Variants in ANO10 observed in about 807,000 individuals in gnomAD.
The protein encoded by ANO10 is anoctamin-10.
ANO10 carries 77 observed loss-of-function variants against 74.7 expected under a neutral mutation model. The observed-to-expected ratio is 1.03, with a 90% CI of 0.86 to 1.25. The LOEUF (loss-of-function observed/expected upper bound fraction) is 1.25. ANO10 is among the 50% of genes most tolerant of loss of function. ANO10 has a pLI of 0.00. For missense variants in ANO10, 721 were observed against 778.1 expected (o/e 0.93, Z 0.87); for synonymous variants, 279 against 284.9 (o/e 0.98, Z 0.21).
intron 11 of ANO10, among the ~76,000 whole-genome samples, chr3:43,526,399 C>T (rs1344538718): frequency 2.0e-5 from 3 of 152,126 alleles, no homozygotes; most frequent in African/African-American, 4.8e-5. Flanking sequence ...CTGCCAGCCA[C>T]GGAGAAGCGT....
intron 12 of ANO10, among the ~76,000 whole-genome samples, chr3:43,385,462 T>C (rs2092088342): frequency 6.6e-6 from 1 of 152,190 alleles, no homozygotes; most frequent in Non-Finnish European, 1.5e-5. Context: ...TGTAAATGCA[T>C]GTTTATAGCA....
At chr3:43,473,866 C>T (rs1448199793) in intron 11 of ANO10, among the ~76,000 whole-genome samples, 1 of 151,934 alleles carries the variant, frequency 6.6e-6, no homozygotes, top group Non-Finnish European at 1.5e-5. Context: ...AATTACAACC[C>T]CTGAAGATGG....
rs185326933 is a variant in ANO10 at position 43,409,365 on chromosome 3, C to T, written c.1914+23246G>A. 2.0e-4 allele frequency among the ~76,000 whole-genome samples: 31 copies of T among 152,160 alleles called. No homozygotes were observed. In the East Asian group the frequency reaches 4.1e-3, roughly 20 times the overall value. On this transcript the variant is annotated intron_variant, in intron 12 of 12. Transcript: ENST00000292246. ...GTGTTCAAGATCAGCCTGGGCAACACGGCAAAACCCAGTCTCTAGAAAATA... is the reference window on the plus strand; with the variant it reads ...GTGTTCAAGATCAGCCTGGGCAACATGGCAAAACCCAGTCTCTAGAAAATA...
intron 1 of ANO10, chr3:43,690,758 C>T (rs1169595528): frequency 4.6e-6 from 2 of 431,906 alleles, no homozygotes; most frequent in African/African-American, 4.2e-5. Context: ...CCCGCGCTTA[C>T]ACCCGGGAGC....
At chr3:43,381,220 T>A (rs1012231315) in intron 12 of ANO10, among the ~76,000 whole-genome samples, 7 of 152,178 alleles carry the variant, frequency 4.6e-5, no homozygotes, top group Admixed American at 3.3e-4. Flanking sequence ...CCCATGTCAC[T>A]AATGTTGAAT....
In ANO10 at chr3:43,559,416, T is replaced by C. The variant is rs369903718; in HGVS notation, c.1476+1804A>G. On this transcript the variant is annotated intron_variant, in intron 9 of 12. Coordinates refer to ENST00000292246, the MANE Select transcript of ANO10 (RefSeq NM_018075.5). ...AAGAACAGCTGAAAGCAGATTCTAA[T>C]TGATTATAGAAAGAGAAGTAGGAAA... Among the ~76,000 whole-genome samples, 175 of 152,280 alleles carry C rather than the reference T, an allele frequency of 1.1e-3. 2 individuals carry two copies. The South Asian group carries it at 0.036, about 31-fold the overall frequency.
intron 10 of ANO10, among the ~76,000 whole-genome samples, chr3:43,554,564 T>C (rs1281692923): frequency 6.6e-6 from 1 of 152,166 alleles, no homozygotes; most frequent in East Asian, 1.9e-4. Context: ...ATTTAAACCT[T>C]CTGTTTTAGT....
intron 9 of ANO10, among the ~76,000 whole-genome samples, chr3:43,558,110 G>GAA (rs781606523): frequency 1.4e-4 from 8 of 55,872 alleles, no homozygotes; most frequent in Non-Finnish European, 2.0e-4. Flanking sequence ...TGTCTCACCA[G>GAA]AAAAAAAAAA....
chr3:43,429,670 C>A (rs1468133803), intron 12 of ANO10, among the ~76,000 whole-genome samples: 1 of 152,086 alleles, frequency 6.6e-6, no homozygotes, highest in Non-Finnish European at 1.5e-5. Flanking sequence ...CACCTAAAAT[C>A]TTTTAGTCAT....
chr3:43,535,267 C>CTTT (rs71616100), intron 11 of ANO10, among the ~76,000 whole-genome samples: 48 of 107,866 alleles, frequency 4.4e-4, no homozygotes, highest in South Asian at 1.3e-3. Flanking sequence ...CCTAGACATT[C>CTTT]TTTTTTTTTT....
Position 43,574,274 on chromosome 3 carries a change from C to CT in ANO10, c.1218+534dup, listed in dbSNP as rs561626586. 4.5e-3 allele frequency among the ~76,000 whole-genome samples: 503 copies of CT among 111,340 alleles called. 4 individuals are homozygous for CT. Among genetic ancestry groups the CT allele is most frequent in the East Asian group, 0.01 (36 of 3,596 alleles). The allele number at this position is 111,340 out of a possible 152,430, so 73.0% of individuals were successfully genotyped here. A position where few individuals can be genotyped will look rare whatever the true frequency, so the allele number is the denominator to read the frequency against. On this transcript the variant is annotated intron_variant, in intron 7 of 12. Coordinates refer to ENST00000292246, the MANE Select transcript of ANO10 (RefSeq NM_018075.5). The stretch of plus-strand genomic sequence containing the variant: ...TCTGGCCCGTTAGTTTCCTTTCTTT[C>CT]TTTTTTTTTTTTTTGAGACAGAGTC...
chr3:43,546,656 A>C (rs973819591), intron 11 of ANO10, among the ~76,000 whole-genome samples: 7 of 152,062 alleles, frequency 4.6e-5, no homozygotes, highest in Admixed American at 1.3e-4. Context: ...AAAAAAAAAA[A>C]CACACCTCAG....
At chr3:43,422,262 G>A (rs1199721187) in intron 12 of ANO10, among the ~76,000 whole-genome samples, 2 of 152,056 alleles carry the variant, frequency 1.3e-5, no homozygotes, top group Non-Finnish European at 2.9e-5. Context: ...GATTACAGGT[G>A]CGTGCCACCA....
chr3:43,561,583 C>G (rs1175564138), intron 8 of ANO10, among the ~76,000 whole-genome samples, 181 bp from the exon 9 acceptor site: 1 of 151,982 alleles, frequency 6.6e-6, no homozygotes, highest in Non-Finnish European at 1.5e-5. Flanking sequence ...ATTAGAAAAG[C>G]TAGGTGTTAG....
At chr3:43,499,297 A>G (rs1233748337) in intron 11 of ANO10, among the ~76,000 whole-genome samples, 1 of 152,224 alleles carries the variant, frequency 6.6e-6, no homozygotes, top group Non-Finnish European at 1.5e-5. Context: ...TGAAACAAAT[A>G]TAAAACATTT....
In ANO10 at chr3:43,582,028, G is replaced by C. The variant is rs577791845; in HGVS notation, c.473-1556C>G. On this transcript the variant is annotated intron_variant, in intron 4 of 12. Coordinates refer to ENST00000292246, the MANE Select transcript of ANO10 (RefSeq NM_018075.5). The stretch of plus-strand genomic sequence containing the variant: ...TTTTGAGCTTCTTTAAGGTTTATCA[G>C]CTCAAGTCTTCAGAGAGCTACCTCT... Among the ~76,000 whole-genome samples the C allele has an allele frequency of 2.3e-4, 35 of 151,994 alleles. 1 individual carries two copies. The Middle Eastern group carries it at 0.017, about 74-fold the overall frequency.
chr3:43,584,396 C>T (rs78278487), intron 4 of ANO10, among the ~76,000 whole-genome samples: 5,932 of 152,222 alleles, frequency 0.039, 162 homozygotes, highest in Non-Finnish European at 0.058. Flanking sequence ...CAGTGGGAAG[C>T]CAGGACACGG....
chr3:43,502,318 C>T (rs1236086970), intron 11 of ANO10, among the ~76,000 whole-genome samples: 1 of 152,148 alleles, frequency 6.6e-6, no homozygotes, highest in African/African-American at 2.4e-5. Flanking sequence ...GCCTAGTGGA[C>T]AGTGTTTGGG....
chr3:43,628,023 A>C (rs1477188325), intron 1 of ANO10, among the ~76,000 whole-genome samples: 1 of 152,130 alleles, frequency 6.6e-6, no homozygotes, highest in Non-Finnish European at 1.5e-5. Context: ...AGTAGCTGGG[A>C]CTACAGGTGT....
Sources: allele counts gnomAD v4.1 joint callset (sites outside exome capture counted in the v4.1 genomes callset), GRCh38; gene constraint gnomAD v4.1.1; transcripts MANE v1.5; gene names NCBI Gene and HGNC (gene_info 2026-07-23, HGNC 2026-07-21).